The following USP28 variants were observed in gnomAD, a reference collection of about 807,000 sequenced individuals.
The protein encoded by USP28 is ubiquitin specific peptidase 28.
USP28 carries 113 observed loss-of-function variants against 145.0 expected under a neutral mutation model. That is an observed-to-expected ratio of 0.78 (90% CI 0.67 to 0.91). The LOEUF is 0.91. USP28 is among the 40% of genes least tolerant of loss of function. The probability of loss-of-function intolerance (pLI) is 0.00; values close to 1 mark genes in which losing one functional copy is unlikely to be tolerated. For synonymous variants in USP28, 447 were observed against 450.9 expected (o/e 0.99, Z 0.11); for missense variants, 1,201 against 1,289.6 (o/e 0.93, Z 1.05).
intron 7 of USP28, among the ~76,000 whole-genome samples, chr11:113,832,523 G>T (rs1055363650): frequency 1.3e-5 from 2 of 152,128 alleles, no homozygotes; most frequent in African/African-American, 4.8e-5. Flanking sequence ...TAGCTAGAAG[G>T]AAGCTGGAAC....
intron 3 of USP28, among the ~76,000 whole-genome samples, chr11:113,847,227 G>A (rs908206857): frequency 9.9e-5 from 15 of 151,968 alleles, no homozygotes; most frequent in African/African-American, 3.4e-4. Context: ...AGGGCAACCA[G>A]ACATTATATG....
At chr11:113,804,116 G>A (rs1713671) in intron 21 of USP28, among the ~76,000 whole-genome samples, 76,813 of 151,942 alleles carry the variant, frequency 0.51, 20,273 homozygotes, top group South Asian at 0.59. Flanking sequence ...TATTTCCTAC[G>A]AGCTTCGGAT....
chr11:113,875,565 A>G (rs1163252365), exon 1 of USP28: 2 of 1,091,366 alleles, frequency 1.8e-6, no homozygotes, highest in South Asian at 8.7e-5. Context: ...CCAGCCTCTC[A>G]GGACTAGGCC....
chr11:113,798,076 T>TG (rs1276813491), exon 25 of USP28: 5 of 143,822 alleles, frequency 3.5e-5, no homozygotes, highest in Non-Finnish European at 7.6e-5. Context: ...GTTTTTTTTT[T>TG]TTTTTTTTTT....
chr11:113,808,550 T>C (rs1167854190), intron 17 of USP28, 113 bp from the exon 18 acceptor site: 21 of 1,158,798 alleles, frequency 1.8e-5, no homozygotes, highest in Non-Finnish European at 2.4e-5. Context: ...TTAACACAGC[T>C]TTTTACAAAA....
intron 12 of USP28, among the ~76,000 whole-genome samples, chr11:113,822,129 G>T (rs76494812): frequency 6.6e-6 from 1 of 152,176 alleles, no homozygotes; most frequent in African/African-American, 2.4e-5. Flanking sequence ...TTATGTTGTT[G>T]TGAAAAGATG....
chr11:113,853,244 G>A (rs189521745), intron 2 of USP28, among the ~76,000 whole-genome samples: 12 of 125,746 alleles, frequency 9.5e-5, no homozygotes, highest in African/African-American at 2.7e-4. Context: ...GCAGTGAGCC[G>A]AGATCACACC....
At chr11:113,826,612 C>T (rs1418417076) in intron 11 of USP28, among the ~76,000 whole-genome samples, 1 of 151,726 alleles carries the variant, frequency 6.6e-6, no homozygotes, top group African/African-American at 2.4e-5. Context: ...TGGTCTCAAC[C>T]AGACTTTTAT....
chr11:113,823,794 C>A, intron 11 of USP28, 94 bp from the exon 12 acceptor site: 1 of 989,464 alleles, frequency 1.0e-6, no homozygotes, highest in Non-Finnish European at 1.5e-6. Context: ...CTTCTTCAAT[C>A]AGATATAGGG....
chr11:113,827,297 A>G (rs758419514), exon 11 of USP28: 3 of 1,613,134 alleles, frequency 1.9e-6, no homozygotes, highest in Non-Finnish European at 1.7e-6. Context: ...TGCCCAAGGG[A>G]CTGATTAAAC....
chr11:113,824,353 C>T (rs1943048589), intron 11 of USP28, among the ~76,000 whole-genome samples: 1 of 151,946 alleles, frequency 6.6e-6, no homozygotes, highest in African/African-American at 2.4e-5. Context: ...GAGTCTCACT[C>T]GTCACCCAGG....
chr11:113,850,617 T>G (rs1039268282), intron 3 of USP28, among the ~76,000 whole-genome samples: 3 of 152,150 alleles, frequency 2.0e-5, no homozygotes, highest in Non-Finnish European at 4.4e-5. Context: ...TCCAGAAGGT[T>G]CTCCTTGGTC....
chr11:113,821,838 TG>T, intron 12 of USP28: 1 of 152,924 alleles, frequency 6.5e-6, no homozygotes, highest in Middle Eastern at 1.4e-3. Context: ...AATGCCTTTT[TG>T]GGAGGAGGTT....
At chr11:113,852,521 G>A in exon 3 of USP28, 1 of 1,614,118 alleles carries the variant, frequency 6.2e-7, no homozygotes, top group Non-Finnish European at 8.5e-7. Context: ...TTCCTTGTTG[G>A]CAGCACTCCC....
intron 1 of USP28, among the ~76,000 whole-genome samples, chr11:113,857,813 C>A (rs1214271104): frequency 6.6e-6 from 1 of 152,102 alleles, no homozygotes; most frequent in Non-Finnish European, 1.5e-5. Flanking sequence ...TAGCAGTGGA[C>A]ATCAATATAT....
exon 16 of USP28, chr11:113,812,477 C>T: frequency 6.2e-7 from 1 of 1,613,998 alleles, no homozygotes; most frequent in Non-Finnish European, 8.5e-7. Flanking sequence ...CCTTCATGAA[C>T]AAGAACTGCA....
chr11:113,812,387 C>G, exon 16 of USP28: 1 of 1,614,086 alleles, frequency 6.2e-7, no homozygotes, highest in Non-Finnish European at 8.5e-7. Flanking sequence ...GATTCAGTAA[C>G]AGAGATGTCA....
intron 3 of USP28, among the ~76,000 whole-genome samples, chr11:113,845,714 A>G (rs1048973052): frequency 1.3e-5 from 2 of 152,160 alleles, no homozygotes; most frequent in Non-Finnish European, 2.9e-5. Flanking sequence ...AGCTGGGACT[A>G]CAGGCATACA....
intron 1 of USP28, chr11:113,859,558 C>G (rs575143516): frequency 2.0e-5 from 3 of 151,956 alleles, no homozygotes; most frequent in South Asian, 4.1e-4. Context: ...AAAGATTTAG[C>G]TAAAGTTCTT....
Sources: allele counts gnomAD v4.1 joint callset (sites outside exome capture counted in the v4.1 genomes callset), GRCh38; gene constraint gnomAD v4.1.1; transcripts MANE v1.5; gene names NCBI Gene and HGNC (gene_info 2026-07-23, HGNC 2026-07-21).